SENP7: variants seen among roughly 807,000 people sequenced by gnomAD.
SENP7 encodes sentrin-specific protease 7.
In SENP7, 64 loss-of-function variants were observed where a neutral mutation model predicts 141.2. That is an observed-to-expected ratio of 0.45 (90% confidence interval 0.37 to 0.56). SENP7 has a LOEUF of 0.56. Among genes scored for constraint, SENP7 ranks in the 20% least tolerant of loss-of-function variants. The pLI, the probability that SENP7 is intolerant of heterozygous loss-of-function variation, is 0.00. For synonymous variants in SENP7, 382 were observed against 426.4 expected, an observed-to-expected ratio of 0.90 and a Z score of 1.28; for missense variants, 1,025 against 1,212.2, an observed-to-expected ratio of 0.85 and a Z score of 2.29.
intron 6 of SENP7, among the ~76,000 whole-genome samples, chr3:101,398,255 C>T (rs9852574): frequency 0.4 from 60,374 of 151,942 alleles, 12,507 homozygotes; most frequent in Admixed American, 0.54. Flanking sequence ...GTCAGGAGAT[C>T]GAGACCATCC....
rs1405821112 is a variant in SENP7, at chr3:101,493,843, T to C, written c.186+30A>G. The C allele has an allele frequency of 7.2e-6, 9 of 1,254,478 alleles. No homozygotes were observed. In the East Asian group the frequency reaches 1.5e-4, roughly 20 times the overall value. The allele number at this position is 1,254,478 out of a possible 1,614,324, so 77.7% of individuals were successfully genotyped here. On this transcript the variant is annotated intron_variant, in intron 3 of 23. Coordinates refer to ENST00000394095, the MANE Select transcript of SENP7 (RefSeq NM_020654.5). The stretch of plus-strand genomic sequence containing the variant: ...TTTAAACATACCAAATAAAACTGTA[T>C]ACTTAAAATAAATTAATTTTATTTA...
intron 6 of SENP7, among the ~76,000 whole-genome samples, chr3:101,377,874 A>G (rs1410427348): frequency 6.6e-6 from 1 of 152,210 alleles, no homozygotes; most frequent in Middle Eastern, 3.2e-3. Context: ...AATGAGAAGC[A>G]CTTGTAAAGT....
At chr3:101,465,728 T>C (rs755378601) in intron 3 of SENP7, among the ~76,000 whole-genome samples, 25 of 150,878 alleles carry the variant, frequency 1.7e-4, no homozygotes, top group Non-Finnish European at 2.9e-4. Context: ...CAAAAAGACA[T>C]GAGAAACATG....
At chr3:101,334,786 T>G (rs1349408269) in intron 17 of SENP7, among the ~76,000 whole-genome samples, 4 of 152,214 alleles carry the variant, frequency 2.6e-5, no homozygotes, top group Admixed American at 2.6e-4. Context: ...TTCCTGATTA[T>G]GCTAACCTTA....
chr3:101,380,858 T>C (rs1052293662), intron 6 of SENP7, among the ~76,000 whole-genome samples: 12 of 152,080 alleles, frequency 7.9e-5, no homozygotes, highest in African/African-American at 2.2e-4. Flanking sequence ...GAAAAAAAAC[T>C]GGATACAATC....
chr3:101,332,463 ATTT>A (rs1174281367), intron 18 of SENP7, among the ~76,000 whole-genome samples: 2 of 152,058 alleles, frequency 1.3e-5, no homozygotes, highest in Admixed American at 1.3e-4. Context: ...ACTCAAAAAT[ATTT>A]TTATTTTTTT....
chr3:101,365,564 G>A (rs144047202), intron 9 of SENP7, among the ~76,000 whole-genome samples: 1 of 149,552 alleles, frequency 6.7e-6, no homozygotes, highest in Non-Finnish European at 1.5e-5. Context: ...GAGCCCAGGA[G>A]GGGGAGGTTG....
chr3:101,335,552 G>C (rs1418804395), intron 17 of SENP7, among the ~76,000 whole-genome samples: 1 of 152,056 alleles, frequency 6.6e-6, no homozygotes, highest in African/African-American at 2.4e-5. Flanking sequence ...TCTTACCCTA[G>C]AGGATGCCAC....
intron 3 of SENP7, among the ~76,000 whole-genome samples, chr3:101,485,255 T>C (rs1312523942): frequency 6.6e-6 from 1 of 152,014 alleles, no homozygotes; most frequent in Non-Finnish European, 1.5e-5. Context: ...TATCCTACCA[T>C]AGCTGATGCT....
intron 6 of SENP7, among the ~76,000 whole-genome samples, chr3:101,384,450 C>G (rs2060594509): frequency 6.6e-6 from 1 of 152,248 alleles, no homozygotes; most frequent in African/African-American, 2.4e-5. Context: ...CTTTGGGGCT[C>G]TGCAGTTCCT....
At chr3:101,488,339 A>G (rs977922852) in intron 3 of SENP7, among the ~76,000 whole-genome samples, 3 of 152,184 alleles carry the variant, frequency 2.0e-5, no homozygotes, top group Admixed American at 6.5e-5. Flanking sequence ...AAAGTCCTTT[A>G]TCAGTTCTAG....
At chr3:101,452,469 A>G (rs937588525) in intron 4 of SENP7, among the ~76,000 whole-genome samples, 1 of 152,202 alleles carries the variant, frequency 6.6e-6, no homozygotes, top group Non-Finnish European at 1.5e-5. Context: ...AAACTATACT[A>G]CAAGGCTACA....
intron 6 of SENP7, among the ~76,000 whole-genome samples, chr3:101,395,788 G>A (rs992457411): frequency 1.3e-5 from 2 of 152,284 alleles, no homozygotes; most frequent in East Asian, 3.9e-4. Flanking sequence ...GTGGACTCAG[G>A]AACACATGTT....
intron 4 of SENP7, among the ~76,000 whole-genome samples, chr3:101,447,184 C>A (rs1400333443): frequency 6.6e-6 from 1 of 152,150 alleles, no homozygotes; most frequent in South Asian, 2.1e-4. Flanking sequence ...ATGGCTCACA[C>A]CTATAATACT....
intron 1 of SENP7, among the ~76,000 whole-genome samples, chr3:101,504,458 TC>T (rs2065512555): frequency 6.9e-6 from 1 of 144,134 alleles, no homozygotes. Context: ...AAATTCCATC[TC>T]AAAAAAAAAA....
chr3:101,467,723 A>C (rs1482476734), intron 3 of SENP7, among the ~76,000 whole-genome samples: 1 of 152,202 alleles, frequency 6.6e-6, no homozygotes, highest in African/African-American at 2.4e-5. Context: ...TCAAAGACCA[A>C]AGGTAGATAA....
chr3:101,372,476 T>C (rs943384552), intron 6 of SENP7, among the ~76,000 whole-genome samples: 4 of 152,136 alleles, frequency 2.6e-5, no homozygotes, highest in Admixed American at 1.3e-4. Context: ...AACCTATGTA[T>C]AGGCAAACAA....
At chr3:101,484,191 G>A (rs897399102) in intron 3 of SENP7, among the ~76,000 whole-genome samples, 7 of 152,138 alleles carry the variant, frequency 4.6e-5, no homozygotes, top group Non-Finnish European at 1.0e-4. Context: ...GAATTGATAA[G>A]CTGGGCTTCA....
intron 3 of SENP7, among the ~76,000 whole-genome samples, chr3:101,477,716 T>C: frequency 6.6e-6 from 1 of 151,702 alleles, no homozygotes; most frequent in Admixed American, 6.6e-5. Flanking sequence ...CTGAGTGTGG[T>C]GGTGGGTGCC....
Sources: gnomAD v4.1 joint callset for allele counts (sites outside exome capture counted in the v4.1 genomes callset) on GRCh38, gnomAD v4.1.1 for gene constraint, MANE v1.5 for transcripts, NCBI Gene and HGNC (gene_info 2026-07-23, HGNC 2026-07-21) for gene names.